The following HYLS1 variants were observed in gnomAD, a reference collection of about 807,000 sequenced individuals.
The protein encoded by HYLS1 is centriolar and ciliogenesis-associated protein HYLS1.
Under a neutral mutation model 29.4 loss-of-function variants are expected in HYLS1, and 25 were observed. The ratio of observed to expected loss-of-function variants is 0.85; its 90% confidence interval spans 0.62 to 1.19. HYLS1 has a LOEUF of 1.19. HYLS1 is among the 50% of genes most tolerant of loss of function. HYLS1 has a pLI of 0.00. For missense variants in HYLS1, 352 were observed against 365.1 expected, an observed-to-expected ratio of 0.96 and a Z score of 0.29; for synonymous variants, 128 against 126.7, an observed-to-expected ratio of 1.01 and a Z score of -0.07.
intron 2 of HYLS1, among the ~76,000 whole-genome samples, chr11:125,898,579 A>G (rs757785539): frequency 2.8e-4 from 42 of 152,108 alleles, no homozygotes; most frequent in Non-Finnish European, 2.9e-4. Context: ...CCGGAGTCTT[A>G]GACAGGATAA....
At chr11:125,893,981 C>G (rs376386339) in intron 2 of HYLS1, 4 of 1,613,984 alleles carry the variant, frequency 2.5e-6, no homozygotes, top group Non-Finnish European at 3.4e-6. Context: ...GCATTTAGGA[C>G]GGTCCATGAG....
chr11:125,884,381 G>A (rs1421961164), upstream of HYLS1, among the ~76,000 whole-genome samples: 1 of 150,082 alleles, frequency 6.7e-6, no homozygotes, highest in Non-Finnish European at 1.5e-5. Context: ...AGGCCGAGGT[G>A]GGCGGGTCAC....
intron 1 of HYLS1, among the ~76,000 whole-genome samples, chr11:125,890,418 C>T (rs562545546): frequency 2.8e-4 from 43 of 152,104 alleles, no homozygotes; most frequent in Non-Finnish European, 5.3e-4. Flanking sequence ...GTATTGTTTG[C>T]CTTTGTGGTA....
intron 2 of HYLS1, chr11:125,893,881 T>C: frequency 6.2e-7 from 1 of 1,614,144 alleles, no homozygotes. Context: ...TACAGTCCCT[T>C]TTGGCTTTTG....
At chr11:125,896,614 A>G (rs796270904) in intron 2 of HYLS1, among the ~76,000 whole-genome samples, 1 of 152,210 alleles carries the variant, frequency 6.6e-6, no homozygotes, top group South Asian at 2.1e-4. Context: ...TCATTTCTCT[A>G]TCTTCACTGA....
chr11:125,891,771 T>C (rs1005221676), intron 2 of HYLS1, among the ~76,000 whole-genome samples: 6 of 152,320 alleles, frequency 3.9e-5, no homozygotes, highest in African/African-American at 1.2e-4. Flanking sequence ...TCTGGTTCCC[T>C]GTCTGCTAGG....
chr11:125,890,198 A>G (rs955836821), intron 1 of HYLS1, among the ~76,000 whole-genome samples: 2 of 151,896 alleles, frequency 1.3e-5, no homozygotes, highest in African/African-American at 4.8e-5. Context: ...CTCCCACCTC[A>G]GCCTCCAAAG....
In HYLS1 at chr11:125,900,455, A is replaced by T. The variant is rs1280506381; in HGVS notation, c.*187A>T. The stretch of plus-strand genomic sequence containing the variant: ...GATGATACTTCCAAATTGCCACTCA[A>T]ATCCAGCAATTGCAAGATAAATCAT... On this transcript the variant is annotated 3_prime_UTR_variant, in exon 3 of 3. Transcript: ENST00000425380. 4 of 600,682 alleles carry T rather than the reference A, an allele frequency of 6.7e-6. No homozygotes were observed. Among genetic ancestry groups the T allele is most frequent in the Non-Finnish European group, 9.0e-6 (3 of 333,172 alleles). 37.2% of individuals were successfully genotyped at this position (600,682 alleles called of 1,614,324 possible). A position where few individuals can be genotyped will look rare whatever the true frequency, so the allele number is the denominator to read the frequency against.
At chr11:125,895,797 G>C (rs377218715) in intron 2 of HYLS1, 6 of 1,589,038 alleles carry the variant, frequency 3.8e-6, no homozygotes, top group Admixed American at 1.7e-5. Context: ...CACCTGTGGA[G>C]TTAGACAAAG....
rs746003872 is a variant in HYLS1 at position 125,896,164 on chromosome 11, T to C, written c.-25-3180T>C. On this transcript the variant is annotated intron_variant, in intron 2 of 2. Transcript: ENST00000425380. ...CCAGCTCCTGCTGAATTTTCTCTAA[T>C]GTTTGAGTCCTCCTTATTTTTGGCC... The C allele has an allele frequency of 8.1e-6, 13 of 1,614,088 alleles. No homozygotes were observed. The African/African-American group carries it at 1.3e-4, about 17-fold the overall frequency.
rs1359948615 is a variant in HYLS1, at chr11:125,900,244, TC to T, written c.879del (p.Phe294SerfsTer10). On this transcript the variant is annotated frameshift_variant, in exon 3 of 3. Coordinates refer to ENST00000425380, the MANE Select transcript of HYLS1 (RefSeq NM_001134793.2). LOFTEE classifies it high-confidence loss of function. ...CAAATGGTGTCATACCCAGGAAGCT[TC>T]CCTTCCCTCTTTCTCCTTCTTAAAT... ...LANGVIPRKLPFPLSPS is the reference protein window; with the variant it reads ...LANGVIPRKLXFPLSPS 1 of 1,614,214 alleles carries T rather than the reference TC, an allele frequency of 6.2e-7. No individual in the cohort carries two copies. Among genetic ancestry groups the T allele is most frequent in the African/African-American group, 1.3e-5 (1 of 75,066 alleles).
rs574529426 is a variant in HYLS1, at chr11:125,899,623, C to G, written c.255C>G (p.Ala85=). Residue 85 remains alanine, a synonymous_variant, in exon 3 of 3, where the codon GCC becomes GCG. Transcript: ENST00000425380. The stretch of plus-strand genomic sequence containing the variant: ...TCCCTTCAGAAACAGTCTCTGAGGC[C>G]TCCCAAAGACTCCGAAAGCCAGTGA... The part of the protein sequence containing the change: ...SNVPSETVSE[A]SQRLRKPVMK... 6.2e-7 allele frequency: 1 copy of G among 1,614,172 alleles called. No homozygotes were observed. Among genetic ancestry groups the G allele is most frequent in the East Asian group, 2.2e-5 (1 of 44,890 alleles).
At chr11:125,894,095 C>G in intron 2 of HYLS1, 4 of 1,614,154 alleles carry the variant, frequency 2.5e-6, no homozygotes, top group East Asian at 4.5e-5. Flanking sequence ...CATCTTTGGT[C>G]CTATTCCACA....
chr11:125,896,402 A>G (rs549531567), intron 2 of HYLS1: 2 of 988,672 alleles, frequency 2.0e-6, no homozygotes, highest in East Asian at 2.5e-5. Context: ...GGTATATAAG[A>G]TTTAATTTAA....
chr11:125,896,478 C>A, intron 2 of HYLS1: 1 of 595,342 alleles, frequency 1.7e-6, no homozygotes, highest in Non-Finnish European at 2.9e-6. Context: ...GGTTGATCAT[C>A]CACAGATAGC....
At chr11:125,885,445 T>A (rs1263493240), upstream of HYLS1, among the ~76,000 whole-genome samples, 1 of 151,628 alleles carries the variant, frequency 6.6e-6, no homozygotes, top group Non-Finnish European at 1.5e-5. Context: ...AGAGAGACTC[T>A]GTCTCAAAAA....
chr11:125,886,308 G>C (rs1023745750), upstream of HYLS1, among the ~76,000 whole-genome samples: 5 of 152,140 alleles, frequency 3.3e-5, no homozygotes, highest in Non-Finnish European at 4.4e-5. Flanking sequence ...AAGGCCCTGA[G>C]GCAAAGAGGG....
At position 125,900,507 on chromosome 11, in the gene HYLS1, C is replaced by G. The variant is rs1478733111; in HGVS notation, c.*239C>G. ...TCAGAGAAAGAACAACAGACCTGGT[C>G]TTTCTATTTTGTCAAATTAGTAAGG... On this transcript the variant is annotated 3_prime_UTR_variant, in exon 3 of 3. Transcript: ENST00000425380. 2.0e-6 allele frequency: 1 copy of G among 508,162 alleles called. No individual in the cohort carries two copies. Among genetic ancestry groups the G allele is most frequent in the Non-Finnish European group, 3.6e-6 (1 of 274,352 alleles). 31.5% of individuals were successfully genotyped at this position (508,162 alleles called of 1,614,324 possible).
upstream of HYLS1, among the ~76,000 whole-genome samples, chr11:125,886,572 A>ATTTTTT (rs68098484): frequency 3.3e-3 from 383 of 117,356 alleles, 8 homozygotes; most frequent in African/African-American, 0.013. Context: ...CAAGCACTAG[A>ATTTTTT]TTTTTTTTTT....
Sources: gnomAD v4.1 joint callset for allele counts (sites outside exome capture counted in the v4.1 genomes callset) on GRCh38, gnomAD v4.1.1 for gene constraint, MANE v1.5 for transcripts, NCBI Gene and HGNC (gene_info 2026-07-23, HGNC 2026-07-21) for gene names.